The following WDFY3 variants were observed in gnomAD, a reference collection of about 807,000 sequenced individuals.
WDFY3 encodes the protein WD repeat and FYVE domain-containing protein 3.
Under a neutral mutation model 409.6 loss-of-function variants are expected in WDFY3, and 66 were observed. That is an observed-to-expected ratio of 0.16 (90% CI 0.13 to 0.20). WDFY3 has a LOEUF of 0.20. Ranked by LOEUF, WDFY3 falls within the 10% of genes least tolerant of loss-of-function variation. WDFY3 has a pLI of 1.00. For synonymous variants in WDFY3, 1,521 were observed against 1,537.1 expected (o/e 0.99, Z 0.25); for missense variants, 3,031 against 4,298.1 (o/e 0.71, Z 8.24).
At chr4:84,793,918 A>G (rs1748938542) in intron 21 of WDFY3, among the ~76,000 whole-genome samples, 1 of 152,220 alleles carries the variant, frequency 6.6e-6, no homozygotes, top group African/African-American at 2.4e-5. Context: ...TCACATTTAT[A>G]CAAAATGCTT....
chr4:84,898,159 C>A (rs925822532), intron 2 of WDFY3, among the ~76,000 whole-genome samples: 1 of 152,090 alleles, frequency 6.6e-6, no homozygotes, highest in African/African-American at 2.4e-5. Context: ...TTTTGAAGTG[C>A]TCAACAGCTA....
At chr4:84,714,560 A>G (rs1733517449) in intron 50 of WDFY3, among the ~76,000 whole-genome samples, 2 of 152,240 alleles carry the variant, frequency 1.3e-5, no homozygotes, top group Admixed American at 6.5e-5. Context: ...AAAGTCCCAC[A>G]TGAATTAAAT....
intron 2 of WDFY3, among the ~76,000 whole-genome samples, chr4:84,927,276 T>C (rs1770122343): frequency 6.6e-6 from 1 of 152,102 alleles, no homozygotes; most frequent in Non-Finnish European, 1.5e-5. Context: ...CTTGAGATAT[T>C]CTTAGACTAA....
chr4:84,691,554 C>A, intron 60 of WDFY3, 77 bp downstream of exon 60: 1 of 1,494,378 alleles, frequency 6.7e-7, no homozygotes, highest in Admixed American at 1.9e-5. Context: ...TGGGTTCTCC[C>A]CAACCCTATT....
chr4:84,880,670 C>CACACATATAT (rs1763368305), intron 3 of WDFY3, among the ~76,000 whole-genome samples: 2 of 55,204 alleles, frequency 3.6e-5, no homozygotes, highest in African/African-American at 1.6e-4. Flanking sequence ...ATAAGGGAAC[C>CACACATATAT]ATACATATAT....
intron 37 of WDFY3, 48 bp from the exon 38 acceptor site, chr4:84,741,969 C>T (rs1358898706): frequency 4.0e-6 from 6 of 1,499,568 alleles, no homozygotes; most frequent in East Asian, 2.3e-5. Context: ...TATCTACCAA[C>T]ACAGGACCAG....
At chr4:84,725,370 A>G (rs187293835) in intron 45 of WDFY3, among the ~76,000 whole-genome samples, 155 of 152,304 alleles carry the variant, frequency 1.0e-3, no homozygotes, top group African/African-American at 3.4e-3. Flanking sequence ...ACCTAGAAAC[A>G]TAAGGATTTG....
At chr4:84,774,677 A>G (rs1388717144) in intron 29 of WDFY3, 143 bp downstream of exon 29, 1 of 879,382 alleles carries the variant, frequency 1.1e-6, no homozygotes, top group Non-Finnish European at 1.7e-6. Context: ...CATGTTTTCC[A>G]TGCGTCATAA....
intron 15 of WDFY3, among the ~76,000 whole-genome samples, chr4:84,806,797 GA>G (rs561138339): frequency 6.6e-6 from 1 of 151,862 alleles, no homozygotes; most frequent in South Asian, 2.1e-4. Context: ...TTTTAGTAGA[GA>G]TGGGGTTTCA....
At chr4:84,769,350 A>T (rs1457900405) in intron 30 of WDFY3, among the ~76,000 whole-genome samples, 1 of 152,182 alleles carries the variant, frequency 6.6e-6, no homozygotes, top group African/African-American at 2.4e-5. Flanking sequence ...CCACACAGAA[A>T]ACTTTTGTGA....
rs987224786 is a variant in WDFY3 at position 84,778,730 on chromosome 4, TACAC to T, written c.4366-79_4366-76del. 3.1e-5 allele frequency: 45 copies of T among 1,442,774 alleles called. No individual in the cohort carries two copies. The Admixed American group carries it at 3.3e-4, about 10-fold the overall frequency. 89.4% of individuals were successfully genotyped at this position (1,442,774 alleles called of 1,614,324 possible). A position where few individuals can be genotyped will look rare whatever the true frequency, so the allele number is the denominator to read the frequency against. On this transcript the variant is annotated intron_variant, in intron 26 of 67. Coordinates refer to ENST00000295888, the MANE Select transcript of WDFY3 (RefSeq NM_014991.6). ...CATTACACACACACAAACACACACA[TACAC>T]ACACAAACACACACATACACACACA...
Position 84,860,561 on chromosome 4 carries a change from G to C in WDFY3, c.31C>G (p.Pro11Ala), listed in dbSNP as rs867206881. Residue 11 changes from proline (P) to alanine (A), a missense_variant, in exon 4 of 68, where the codon CCG becomes GCG. Pro to Ala is a conservative substitution (Grantham distance 27). Transcript: ENST00000295888. MNMVKRIMGRPRQEECSPQDN... is the reference protein window; with the variant it reads MNMVKRIMGRARQEECSPQDN... ...TGTGGGCTGCACTCCTCCTGCCTCGGCCGCCCCATGATCCTCTTCACCATG... is the reference window on the plus strand; with the variant it reads ...TGTGGGCTGCACTCCTCCTGCCTCGCCCGCCCCATGATCCTCTTCACCATG... 1 of 1,611,844 alleles carries C rather than the reference G, an allele frequency of 6.2e-7. No individual in the cohort carries two copies. Among genetic ancestry groups the C allele is most frequent in the Non-Finnish European group, 8.5e-7 (1 of 1,178,572 alleles).
intron 35 of WDFY3, 112 bp from the exon 36 acceptor site, chr4:84,751,828 T>G (rs962427665): frequency 1.8e-6 from 2 of 1,105,866 alleles, no homozygotes; most frequent in East Asian, 4.8e-5. Flanking sequence ...TATTAAGCTA[T>G]TCAGCACATT....
intron 32 of WDFY3, among the ~76,000 whole-genome samples, chr4:84,758,552 T>C (rs1363351195): frequency 1.3e-5 from 2 of 152,206 alleles, no homozygotes; most frequent in Non-Finnish European, 2.9e-5. Context: ...TCAGCAAAGA[T>C]ATCCATATTT....
In WDFY3 at chr4:84,686,292, C is replaced by A. The variant is rs543141690; in HGVS notation, c.9543+1794G>T. Among the ~76,000 whole-genome samples the A allele has an allele frequency of 1.8e-4, 27 of 151,846 alleles. 1 individual carries two copies. The Middle Eastern group carries it at 0.017, about 96-fold the overall frequency. The stretch of plus-strand genomic sequence containing the variant: ...CTGCAGTCAGGCCTGGGCAAAAGAG[C>A]GAGACTCCATCTCAAAATAAATAAA... On this transcript the variant is annotated intron_variant, in intron 62 of 67. Coordinates refer to ENST00000295888, the MANE Select transcript of WDFY3 (RefSeq NM_014991.6).
intron 3 of WDFY3, among the ~76,000 whole-genome samples, chr4:84,881,470 T>C (rs926194473): frequency 1.3e-5 from 2 of 152,194 alleles, no homozygotes; most frequent in Non-Finnish European, 2.9e-5. Flanking sequence ...TTTTTCTCTT[T>C]TCCTCAGCCT....
intron 46 of WDFY3, among the ~76,000 whole-genome samples, chr4:84,723,321 A>G (rs991278561): frequency 1.3e-5 from 2 of 152,242 alleles, no homozygotes; most frequent in Non-Finnish European, 2.9e-5. Context: ...AACTGATCAC[A>G]ATCTCAATAG....
intron 1 of WDFY3, among the ~76,000 whole-genome samples, chr4:84,957,255 T>C (rs1051613802): frequency 5.7e-5 from 7 of 122,528 alleles, no homozygotes; most frequent in Middle Eastern, 0.011. Flanking sequence ...GTATTTCATA[T>C]ACCAAAAAAA....
At chr4:84,800,163 TAC>T (rs1022462527) in intron 17 of WDFY3, among the ~76,000 whole-genome samples, 53 of 152,350 alleles carry the variant, frequency 3.5e-4, no homozygotes, top group African/African-American at 1.3e-3. Flanking sequence ...CACAGCCTGA[TAC>T]AACACCATTT....
Sources: gnomAD v4.1 joint callset for allele counts (sites outside exome capture counted in the v4.1 genomes callset) on GRCh38, gnomAD v4.1.1 for gene constraint, MANE v1.5 for transcripts, NCBI Gene and HGNC (gene_info 2026-07-23, HGNC 2026-07-21) for gene names.